Variants in NOTCH2NLA observed in about 807,000 individuals in gnomAD.
The protein encoded by NOTCH2NLA is notch homolog 2 N-terminal-like protein A.
intron 2 of NOTCH2NLA, among the ~76,000 whole-genome samples, chr1:146,186,258 A>C (rs1662756969): frequency 7.4e-6 from 1 of 135,782 alleles, no homozygotes; most frequent in Non-Finnish European, 1.7e-5. Flanking sequence ...AAAACAGGAA[A>C]GACATCTGAG....
At chr1:146,174,440 C>T (rs1553807676) in intron 2 of NOTCH2NLA, among the ~76,000 whole-genome samples, 2 of 141,502 alleles carry the variant, frequency 1.4e-5, no homozygotes, top group African/African-American at 5.4e-5. Context: ...GAGGATTTGG[C>T]CATTCAAGAA....
downstream of NOTCH2NLA, among the ~76,000 whole-genome samples, chr1:146,151,334 A>AAAAAG (rs1402218385): frequency 3.7e-5 from 2 of 53,528 alleles, no homozygotes; most frequent in East Asian, 4.5e-4. Flanking sequence ...AAAAAAAAAA[A>AAAAAG]AAAAGAAAAG....
chr1:146,159,966 C>CAAAAAAAAAAAAAAA (rs782308523), intron 3 of NOTCH2NLA, among the ~76,000 whole-genome samples: 1 of 7,438 alleles, frequency 1.3e-4, no homozygotes, highest in Non-Finnish European at 4.8e-4. Context: ...TACTCCATCT[C>CAAAAAAAAAAAAAAA]AAAAAAAAAA....
chr1:146,172,716 T>C (rs1662050137), intron 2 of NOTCH2NLA, among the ~76,000 whole-genome samples: 1 of 151,878 alleles, frequency 6.6e-6, no homozygotes, highest in African/African-American at 2.4e-5. Context: ...TGCCATGTCA[T>C]GCACTACATT....
chr1:146,171,484 A>G (rs1661979657), intron 2 of NOTCH2NLA, among the ~76,000 whole-genome samples: 1 of 128,660 alleles, frequency 7.8e-6, no homozygotes, highest in African/African-American at 2.6e-5. Flanking sequence ...TTCAAACCCA[A>G]GTAGACTCTA....
In NOTCH2NLA at chr1:146,183,612, G is replaced by C. The variant is rs587737411; in HGVS notation, c.38+5688C>G. Reference sequence around the variant, plus strand: ...TGGCAGAACCAGTTTCAGCTGAGAAGAAAGAGAAAGTAATTTAACAGTTGA... The same window carrying C: ...TGGCAGAACCAGTTTCAGCTGAGAACAAAGAGAAAGTAATTTAACAGTTGA... On this transcript the variant is annotated intron_variant, in intron 2 of 4. Transcript: ENST00000362074. Among the ~76,000 whole-genome samples the C allele has an allele frequency of 3.3e-4, 39 of 117,904 alleles. 4 individuals are homozygous for C. Among genetic ancestry groups the C allele is most frequent in the African/African-American group, 1.3e-3 (35 of 27,946 alleles). 77.3% of individuals were successfully genotyped at this position (117,904 alleles called of 152,430 possible).
chr1:146,200,458 T>TATATATA (rs1559387593), intron 1 of NOTCH2NLA, among the ~76,000 whole-genome samples: 1 of 23,556 alleles, frequency 4.2e-5, no homozygotes, highest in African/African-American at 2.3e-4. Context: ...TATATATATA[T>TATATATA]TCCTGAACTT....
At chr1:146,185,323 A>G (rs1383977638) in intron 2 of NOTCH2NLA, among the ~76,000 whole-genome samples, 1 of 136,026 alleles carries the variant, frequency 7.4e-6, no homozygotes, top group African/African-American at 2.5e-5. Context: ...GATTAATGAC[A>G]TCAAATTTAA....
At chr1:146,171,375 G>C (rs1661971456) in intron 2 of NOTCH2NLA, among the ~76,000 whole-genome samples, 1 of 140,800 alleles carries the variant, frequency 7.1e-6, no homozygotes, top group African/African-American at 2.5e-5. Flanking sequence ...AGGTTGCAGT[G>C]AGCCAAGATC....
intron 2 of NOTCH2NLA, among the ~76,000 whole-genome samples, chr1:146,171,420 G>T (rs1266866263): frequency 7.2e-6 from 1 of 139,718 alleles, no homozygotes; most frequent in Non-Finnish European, 1.7e-5. Flanking sequence ...AACAGAGCGA[G>T]ACTCCCTCTC....
intron 1 of NOTCH2NLA, among the ~76,000 whole-genome samples, chr1:146,226,156 TCTC>T (rs1290213155): frequency 1.4e-4 from 20 of 147,902 alleles, no homozygotes; most frequent in Non-Finnish European, 2.7e-4. Flanking sequence ...TAGGAATCAC[TCTC>T]CTCCTCCTCT....
chr1:146,186,967 C>G (rs1297269792), intron 2 of NOTCH2NLA, among the ~76,000 whole-genome samples: 1 of 133,384 alleles, frequency 7.5e-6, no homozygotes, highest in African/African-American at 2.5e-5. Context: ...CCTATCAACC[C>G]GTCATCCAGG....
chr1:146,195,206 AT>A (rs1304881628), intron 1 of NOTCH2NLA, among the ~76,000 whole-genome samples: 2 of 111,756 alleles, frequency 1.8e-5, no homozygotes, highest in African/African-American at 7.4e-5. Context: ...GGATGCAGAA[AT>A]CAGACAAATC....
chr1:146,207,815 CTTTTT>C (rs74543040), intron 1 of NOTCH2NLA, among the ~76,000 whole-genome samples: 1 of 72,236 alleles, frequency 1.4e-5, no homozygotes, highest in Non-Finnish European at 2.8e-5. Context: ...ATACCACTTT[CTTTTT>C]TTTTTTTTTT....
intron 2 of NOTCH2NLA, among the ~76,000 whole-genome samples, chr1:146,174,534 G>T (rs1738681): frequency 1.4e-5 from 2 of 145,084 alleles, no homozygotes; most frequent in African/African-American, 5.0e-5. Flanking sequence ...CTATTTCAAA[G>T]TCATGATTTT....
chr1:146,162,152 CATTTT>C (rs1211911858), intron 3 of NOTCH2NLA, among the ~76,000 whole-genome samples: 12 of 140,616 alleles, frequency 8.5e-5, no homozygotes, highest in African/African-American at 2.9e-4. Context: ...AAAATATCTT[CATTTT>C]ATTTCCTTTC....
intron 2 of NOTCH2NLA, among the ~76,000 whole-genome samples, chr1:146,182,331 G>A (rs1662570274): frequency 1.5e-5 from 2 of 133,152 alleles, no homozygotes; most frequent in African/African-American, 5.0e-5. Context: ...GTATATCTCA[G>A]GTTAGCTACA....
rs1376611029 is a variant in NOTCH2NLA at position 146,183,638 on chromosome 1, T to A, written c.38+5662A>T. 4.4e-5 allele frequency among the ~76,000 whole-genome samples: 5 copies of A among 113,400 alleles called. 2 individuals are homozygous for A. Among genetic ancestry groups the A allele is most frequent in the Non-Finnish European group, 9.0e-5 (5 of 55,288 alleles). 74.4% of individuals were successfully genotyped at this position (113,400 alleles called of 152,430 possible). A position where few individuals can be genotyped will look rare whatever the true frequency, so the allele number is the denominator to read the frequency against. On this transcript the variant is annotated intron_variant, in intron 2 of 4. Coordinates refer to ENST00000362074, the Ensembl canonical transcript of NOTCH2NLA. ...AAAGAGAAAGTAATTTAACAGTTGA[T>A]ATTTTTCCCTGTCTATTTCTTTGAT...
intron 2 of NOTCH2NLA, among the ~76,000 whole-genome samples, chr1:146,179,454 A>AT (rs1483760473): frequency 7.6e-6 from 1 of 132,430 alleles, no homozygotes; most frequent in Non-Finnish European, 1.8e-5. Context: ...TAAAGGAATG[A>AT]TTTTCTAAAT....
Sources: gnomAD v4.1 joint callset for allele counts (sites outside exome capture counted in the v4.1 genomes callset) on GRCh38, gnomAD v4.1.1 for gene constraint, MANE v1.5 for transcripts, NCBI Gene and HGNC (gene_info 2026-07-23, HGNC 2026-07-21) for gene names.